Variants in XYLT1 observed in about 807,000 individuals in gnomAD.
The protein encoded by XYLT1 is xylosyltransferase 1, also known as beta-D-xylosyltransferase 1.
Under a neutral mutation model 91.3 loss-of-function variants are expected in XYLT1, and 36 were observed. The observed-to-expected ratio is 0.39, with a 90% CI of 0.30 to 0.52. The LOEUF (loss-of-function observed/expected upper bound fraction) is 0.52, where lower values mean the gene tolerates loss of function less well. XYLT1 is among the 20% of genes least tolerant of loss of function. The pLI is 0.68. For missense variants in XYLT1, 1,242 were observed against 1,284.5 expected, an observed-to-expected ratio of 0.97 and a Z score of 0.51; for synonymous variants, 588 against 532.0, an observed-to-expected ratio of 1.11 and a Z score of -1.45.
intron 2 of XYLT1, among the ~76,000 whole-genome samples, chr16:17,337,775 CTTTTTCTTTTT>C (rs1346041917): frequency 7.9e-5 from 9 of 114,216 alleles, no homozygotes; most frequent in Admixed American, 1.0e-4. Flanking sequence ...CACATTTTTT[CTTTTTCTTTTT>C]TTTTTTTTTT....
At chr16:17,359,398 T>G (rs1411864811) in intron 1 of XYLT1, among the ~76,000 whole-genome samples, 1 of 152,206 alleles carries the variant, frequency 6.6e-6, no homozygotes, top group Non-Finnish European at 1.5e-5. Flanking sequence ...GAGCTGCCAT[T>G]CACTGTCTTG....
chr16:17,126,269 C>T (rs1042480376), intron 10 of XYLT1, among the ~76,000 whole-genome samples: 2 of 152,208 alleles, frequency 1.3e-5, no homozygotes, highest in Admixed American at 6.5e-5. Context: ...AGTACCCAGT[C>T]ACCCAACAGC....
intron 11 of XYLT1, among the ~76,000 whole-genome samples, chr16:17,117,255 T>C (rs1597130040): frequency 6.6e-6 from 1 of 152,348 alleles, no homozygotes; most frequent in East Asian, 1.9e-4. Flanking sequence ...GTGGTTCATC[T>C]TTTCCACCTA....
Position 17,356,810 on chromosome 16 carries a change from G to A in XYLT1, c.402+1202C>T, listed in dbSNP as rs187887837. 5.2e-3 allele frequency among the ~76,000 whole-genome samples: 797 copies of A among 152,246 alleles called. 4 individuals are homozygous for A. Among genetic ancestry groups the A allele is most frequent in the Non-Finnish European group, 8.4e-3 (572 of 68,026 alleles). On this transcript the variant is annotated intron_variant, in intron 2 of 11. Transcript: ENST00000261381. ...TGTCAGCCAAACCCAAAGAGCTAAGGAAATGATTAATCCAAAGATAAGAAA... is the reference window on the plus strand; with the variant it reads ...TGTCAGCCAAACCCAAAGAGCTAAGAAAATGATTAATCCAAAGATAAGAAA...
intron 3 of XYLT1, among the ~76,000 whole-genome samples, chr16:17,246,857 T>C (rs2092895268): frequency 1.3e-5 from 2 of 152,160 alleles, no homozygotes; most frequent in Non-Finnish European, 2.9e-5. Flanking sequence ...TGGCTCAGTG[T>C]GGGCTACAGA....
chr16:17,182,491 T>C (rs1410107526), intron 5 of XYLT1, among the ~76,000 whole-genome samples: 1 of 152,078 alleles, frequency 6.6e-6, no homozygotes, highest in East Asian at 1.9e-4. Flanking sequence ...AGGCCCTATC[T>C]CCAAGTACAA....
chr16:17,356,704 G>A (rs1243464119), intron 2 of XYLT1, among the ~76,000 whole-genome samples: 1 of 152,188 alleles, frequency 6.6e-6, no homozygotes, highest in African/African-American at 2.4e-5. Context: ...CGTTCGAACA[G>A]GTTTGACTGT....
At position 17,296,715 on chromosome 16, in the gene XYLT1, G is replaced by A. The variant is rs1447589959; in HGVS notation, c.403-37217C>T. Among the ~76,000 whole-genome samples the A allele has an allele frequency of 2.0e-5, 3 of 152,162 alleles. No homozygotes were observed. The East Asian group carries it at 5.8e-4, about 29-fold the overall frequency. ...CTGGCTTACACCAAAGACAGAGAAG[G>A]ACAGGCTGCAAGAATCTGGCTTTTC... is the stretch of plus-strand genomic sequence containing the variant. On this transcript the variant is annotated intron_variant, in intron 2 of 11. Coordinates refer to ENST00000261381, the MANE Select transcript of XYLT1 (RefSeq NM_022166.4).
At chr16:17,418,971 T>C (rs1462706383) in intron 1 of XYLT1, among the ~76,000 whole-genome samples, 4 of 151,894 alleles carry the variant, frequency 2.6e-5, no homozygotes, top group Non-Finnish European at 5.9e-5. Flanking sequence ...TCTAAATGAA[T>C]GGGTATAGCT....
chr16:17,151,200 C>T (rs553328212), intron 6 of XYLT1, among the ~76,000 whole-genome samples: 12 of 152,176 alleles, frequency 7.9e-5, no homozygotes, highest in East Asian at 3.9e-4. Flanking sequence ...CCGAGGCAGG[C>T]GGATCACTTG....
intron 5 of XYLT1, among the ~76,000 whole-genome samples, chr16:17,164,109 C>G (rs769978524): frequency 2.2e-5 from 3 of 137,738 alleles, no homozygotes; most frequent in Non-Finnish European, 4.6e-5. Context: ...TGAAGTCAGG[C>G]AAGTTGAGGA....
chr16:17,438,430 G>A (rs1380919621), intron 1 of XYLT1, among the ~76,000 whole-genome samples: 1 of 152,118 alleles, frequency 6.6e-6, no homozygotes, highest in Non-Finnish European at 1.5e-5. Context: ...CTATGGCCAA[G>A]GTAAATGTTA....
chr16:17,120,053 T>A (rs1459427734), intron 10 of XYLT1, among the ~76,000 whole-genome samples: 3 of 152,216 alleles, frequency 2.0e-5, no homozygotes, highest in African/African-American at 7.2e-5. Flanking sequence ...CTGTGGGGGC[T>A]GCCATCCCTC....
chr16:17,289,292 C>A (rs1224328144), intron 2 of XYLT1, among the ~76,000 whole-genome samples: 1 of 152,210 alleles, frequency 6.6e-6, no homozygotes, highest in African/African-American at 2.4e-5. Flanking sequence ...TTGCTACCTC[C>A]TGCTCTAGGT....
rs540908023 is a variant in XYLT1 at position 17,457,563 on chromosome 16, C to G, written c.363+12871G>C. Among the ~76,000 whole-genome samples the G allele has an allele frequency of 1.4e-4, 22 of 152,354 alleles. 1 individual carries two copies. The South Asian group carries it at 4.6e-3, about 32-fold the overall frequency. ...TTAGCTTAACATCTCTCCCTGCTTT[C>G]TGTCTTTAACTCACCTTCTAAACAA... On this transcript the variant is annotated intron_variant, in intron 1 of 11. Transcript: ENST00000261381.
intron 1 of XYLT1, among the ~76,000 whole-genome samples, chr16:17,385,377 T>C (rs934612701): frequency 6.6e-5 from 10 of 151,722 alleles, no homozygotes; most frequent in Non-Finnish European, 1.5e-4. Context: ...ATTTGTTCTC[T>C]TGTGTGCTCT....
intron 3 of XYLT1, among the ~76,000 whole-genome samples, chr16:17,209,122 T>G (rs2032712169): frequency 1.3e-5 from 2 of 152,244 alleles, no homozygotes; most frequent in Admixed American, 6.5e-5. Flanking sequence ...CTTTTCATCT[T>G]GCAAAACTGA....
chr16:17,116,521 C>T (rs528445776), intron 11 of XYLT1, among the ~76,000 whole-genome samples: 5 of 152,316 alleles, frequency 3.3e-5, no homozygotes, highest in African/African-American at 7.2e-5. Context: ...CTGCTATTCA[C>T]GGCTGCATAG....
chr16:17,243,956 T>A (rs1254394498), intron 3 of XYLT1, among the ~76,000 whole-genome samples: 1 of 152,038 alleles, frequency 6.6e-6, no homozygotes, highest in East Asian at 1.9e-4. Context: ...GACTGGAAAA[T>A]CATTGTGGGG....
Sources: allele counts gnomAD v4.1 joint callset (sites outside exome capture counted in the v4.1 genomes callset), GRCh38; gene constraint gnomAD v4.1.1; transcripts MANE v1.5; gene names NCBI Gene and HGNC (gene_info 2026-07-23, HGNC 2026-07-21).